The following CSGALNACT1 variants were observed in gnomAD, a reference collection of about 807,000 sequenced individuals.
CSGALNACT1 encodes chondroitin sulfate N-acetylgalactosaminyltransferase 1.
Under a neutral mutation model 51.0 loss-of-function variants are expected in CSGALNACT1, and 52 were observed. The ratio of observed to expected loss-of-function variants is 1.02; its 90% CI spans 0.82 to 1.29. CSGALNACT1 has a LOEUF of 1.29. Ranked by LOEUF, CSGALNACT1 falls within the 50% of genes most tolerant of loss-of-function variation. CSGALNACT1 has a pLI of 0.00. For missense variants in CSGALNACT1, 935 were observed against 679.2 expected (o/e 1.38, Z -4.19); for synonymous variants, 341 against 254.4 (o/e 1.34, Z -3.24).
intron 6 of CSGALNACT1, among the ~76,000 whole-genome samples, chr8:19,424,276 T>C (rs1010738910): frequency 6.6e-6 from 1 of 152,218 alleles, no homozygotes; most frequent in South Asian, 2.1e-4. Flanking sequence ...CTGTCATCCA[T>C]CTGTGTTTCC....
chr8:19,626,579 A>T (rs967547588), intron 1 of CSGALNACT1, among the ~76,000 whole-genome samples: 2 of 152,220 alleles, frequency 1.3e-5, no homozygotes, highest in Non-Finnish European at 2.9e-5. Context: ...GTAACATAAA[A>T]ATTTCAATTC....
chr8:19,446,162 G>A (rs192610596), intron 5 of CSGALNACT1, among the ~76,000 whole-genome samples: 40 of 152,240 alleles, frequency 2.6e-4, no homozygotes, highest in African/African-American at 6.3e-4. Context: ...GCGACAGAGC[G>A]AGACTCCATC....
At chr8:19,584,206 C>A (rs912151502) in intron 3 of CSGALNACT1, among the ~76,000 whole-genome samples, 4 of 152,196 alleles carry the variant, frequency 2.6e-5, no homozygotes, top group Non-Finnish European at 2.9e-5. Context: ...TCTAACTAAA[C>A]AATCACCTCC....
At chr8:19,420,051 C>T (rs2057659801) in intron 7 of CSGALNACT1, among the ~76,000 whole-genome samples, 1 of 152,204 alleles carries the variant, frequency 6.6e-6, no homozygotes, top group African/African-American at 2.4e-5. Context: ...CCATGATAGA[C>T]TTCCCTTTGC....
At position 19,661,480 on chromosome 8, in the gene CSGALNACT1, C is replaced by T. The variant is rs892444109; in HGVS notation, c.-544+20993G>A. 1.5e-4 allele frequency among the ~76,000 whole-genome samples: 23 copies of T among 152,214 alleles called. 1 individual carries two copies. The highest frequency in any genetic ancestry group is 4.4e-5 in the Non-Finnish European group (3 of 68,038). On this transcript the variant is annotated intron_variant, in intron 1 of 9. Coordinates refer to the CSGALNACT1 transcript ENST00000332246. ...TTCAATCTAAGGAATGCACCAAACC[C>T]ACAGTGCTTGTATGAGGGTTGGTAT...
rs561315728 is a variant in CSGALNACT1, at chr8:19,500,459, G to A, written c.634+4742C>T. On this transcript the variant is annotated intron_variant, in intron 4 of 9. Transcript: ENST00000454498. ...TATGATTTCCACCACAAGTCACAAA[G>A]TTGCTATCACTGAAATGGCACACTG... 3.9e-4 allele frequency among the ~76,000 whole-genome samples: 59 copies of A among 152,206 alleles called. 1 individual carries two copies. The South Asian group carries it at 0.012, about 32-fold the overall frequency.
At chr8:19,580,311 A>G (rs1026433887) in intron 3 of CSGALNACT1, among the ~76,000 whole-genome samples, 2 of 152,232 alleles carry the variant, frequency 1.3e-5, no homozygotes, top group Non-Finnish European at 2.9e-5. Flanking sequence ...GAAAATAAAC[A>G]GAAAGCTTCT....
At chr8:19,589,998 T>TA (rs1486830462) in intron 3 of CSGALNACT1, among the ~76,000 whole-genome samples, 6 of 152,174 alleles carry the variant, frequency 3.9e-5, no homozygotes, top group African/African-American at 1.2e-4. Flanking sequence ...CCCAAGAAGT[T>TA]AAAATCAGAC....
At chr8:19,577,225 G>A (rs915289972) in intron 3 of CSGALNACT1, among the ~76,000 whole-genome samples, 3 of 152,034 alleles carry the variant, frequency 2.0e-5, no homozygotes, top group African/African-American at 4.8e-5. Flanking sequence ...TTCTCCACGC[G>A]ATACTAGCTC....
At chr8:19,571,477 A>C (rs929865434) in intron 3 of CSGALNACT1, among the ~76,000 whole-genome samples, 19 of 152,052 alleles carry the variant, frequency 1.2e-4, no homozygotes, top group African/African-American at 2.7e-4. Flanking sequence ...CAAAAACAAA[A>C]AAAAAAAACA....
chr8:19,711,283 T>G (rs1011091873), intron 1 of CSGALNACT1, among the ~76,000 whole-genome samples: 8 of 152,096 alleles, frequency 5.3e-5, no homozygotes, highest in African/African-American at 1.9e-4. Context: ...TCCTGAAATA[T>G]TTATTAATCA....
In CSGALNACT1 at chr8:19,472,725, A is replaced by C. The variant is rs575940039; in HGVS notation, c.635-14083T>G. Reference sequence around the variant, plus strand: ...TTCTTTTTGAGACTGACTTGAGAATAGAAAAACATAAAGATGCTTCAAAAA... The same window carrying C: ...TTCTTTTTGAGACTGACTTGAGAATCGAAAAACATAAAGATGCTTCAAAAA... On this transcript the variant is annotated intron_variant, in intron 4 of 9. Transcript: ENST00000454498. Among the ~76,000 whole-genome samples the C allele has an allele frequency of 9.8e-5, 15 of 152,364 alleles. No homozygotes were observed. In the East Asian group the frequency reaches 2.7e-3, roughly 27 times the overall value.
intron 3 of CSGALNACT1, among the ~76,000 whole-genome samples, chr8:19,519,390 T>C (rs1374313655): frequency 6.6e-6 from 1 of 152,164 alleles, no homozygotes; most frequent in African/African-American, 2.4e-5. Context: ...ATCACAATGA[T>C]CTGCTTCAAT....
intron 3 of CSGALNACT1, among the ~76,000 whole-genome samples, chr8:19,524,352 A>G (rs943988077): frequency 1.3e-5 from 2 of 152,140 alleles, no homozygotes; most frequent in African/African-American, 4.8e-5. Flanking sequence ...CAATTCCGCT[A>G]TTAACGATGC....
At chr8:19,745,509 T>C (rs1285160065) in intron 1 of CSGALNACT1, among the ~76,000 whole-genome samples, 1 of 152,240 alleles carries the variant, frequency 6.6e-6, no homozygotes, top group Non-Finnish European at 1.5e-5. Flanking sequence ...AGGAAGATCA[T>C]AGATTTGAAG....
chr8:19,509,114 G>A (rs192154630), intron 3 of CSGALNACT1, among the ~76,000 whole-genome samples: 196 of 152,310 alleles, frequency 1.3e-3, no homozygotes, highest in African/African-American at 4.5e-3. Context: ...AGCAGATAAC[G>A]TGTGTCGGAA....
chr8:19,453,271 C>A (rs555881265), intron 5 of CSGALNACT1, among the ~76,000 whole-genome samples: 1 of 152,106 alleles, frequency 6.6e-6, no homozygotes, highest in South Asian at 2.1e-4. Context: ...AACAATAAAA[C>A]AACAGAATAA....
upstream of CSGALNACT1, among the ~76,000 whole-genome samples, chr8:19,606,921 G>C (rs139757860): frequency 9.8e-3 from 1,492 of 152,092 alleles, 22 homozygotes; most frequent in African/African-American, 0.034. Context: ...TTTGGGAGGC[G>C]GAGACGGGTG....
chr8:19,405,560 A>T (rs184388355), exon 10 of CSGALNACT1: 3 of 694,204 alleles, frequency 4.3e-6, no homozygotes, highest in Admixed American at 2.0e-5. Flanking sequence ...CCTTTGTCAG[A>T]CACTTCACAG....
Sources: gnomAD v4.1 joint callset for allele counts (sites outside exome capture counted in the v4.1 genomes callset) on GRCh38, gnomAD v4.1.1 for gene constraint, MANE v1.5 for transcripts, NCBI Gene and HGNC (gene_info 2026-07-23, HGNC 2026-07-21) for gene names.